The following CDH12 variants were observed in gnomAD, a reference collection of about 807,000 sequenced individuals.
CDH12 encodes the protein cadherin-12.
CDH12 carries 41 observed loss-of-function variants against 74.1 expected under a neutral mutation model. The ratio of observed to expected loss-of-function variants is 0.55; its 90% CI spans 0.43 to 0.72. The LOEUF is 0.72. Among genes scored for constraint, CDH12 ranks in the 30% least tolerant of loss-of-function variants. CDH12 has a pLI of 0.00. For missense variants in CDH12, 945 were observed against 977.2 expected, an observed-to-expected ratio of 0.97 and a Z score of 0.44; for synonymous variants, 399 against 355.0, an observed-to-expected ratio of 1.12 and a Z score of -1.39.
At chr5:21,932,091 T>G (rs1016455448) in intron 6 of CDH12, among the ~76,000 whole-genome samples, 2 of 152,206 alleles carry the variant, frequency 1.3e-5, no homozygotes, top group African/African-American at 4.8e-5. Flanking sequence ...ATTAGGATAC[T>G]CTACACAAAT....
intron 5 of CDH12, among the ~76,000 whole-genome samples, chr5:22,009,862 C>T (rs1179758358): frequency 2.1e-5 from 3 of 142,034 alleles, no homozygotes; most frequent in African/African-American, 8.1e-5. Flanking sequence ...CCTGTAATTC[C>T]AGCCATTTGG....
At chr5:22,475,545 T>G (rs1746133546) in intron 2 of CDH12, among the ~76,000 whole-genome samples, 1 of 152,020 alleles carries the variant, frequency 6.6e-6, no homozygotes, top group Non-Finnish European at 1.5e-5. Context: ...AATAAGAATA[T>G]AGTTTCTATT....
At chr5:22,409,310 C>T (rs980167510) in intron 2 of CDH12, among the ~76,000 whole-genome samples, 2 of 151,930 alleles carry the variant, frequency 1.3e-5, no homozygotes, top group African/African-American at 4.8e-5. Flanking sequence ...CTGAGGTATA[C>T]ACTTGTAGCA....
chr5:22,002,378 T>C (rs1401872733), intron 5 of CDH12, among the ~76,000 whole-genome samples: 1 of 152,080 alleles, frequency 6.6e-6, no homozygotes, highest in Non-Finnish European at 1.5e-5. Context: ...CAGGTAACTG[T>C]TCTATATACT....
chr5:22,843,402 C>T (rs749653500), intron 1 of CDH12, among the ~76,000 whole-genome samples: 1 of 152,002 alleles, frequency 6.6e-6, no homozygotes, highest in African/African-American at 2.4e-5. Flanking sequence ...TTCTTTACCT[C>T]CCCCATGGTT....
intron 3 of CDH12, among the ~76,000 whole-genome samples, chr5:22,284,314 C>A (rs1737043990): frequency 6.6e-6 from 1 of 152,138 alleles, no homozygotes; most frequent in African/African-American, 2.4e-5. Context: ...TTAATTATCT[C>A]AGTTTCTTTA....
intron 5 of CDH12, among the ~76,000 whole-genome samples, chr5:21,992,421 C>G (rs1469387121): frequency 1.3e-5 from 2 of 151,956 alleles, no homozygotes; most frequent in Non-Finnish European, 2.9e-5. Context: ...AAAGCAGGTG[C>G]TTAAGTAGAG....
chr5:22,827,631 A>T (rs1242322976), intron 1 of CDH12, among the ~76,000 whole-genome samples: 1 of 152,212 alleles, frequency 6.6e-6, no homozygotes, highest in Non-Finnish European at 1.5e-5. Flanking sequence ...TGTTGACAAC[A>T]TCTTGCCTTT....
chr5:22,221,262 A>T (rs541840792), intron 3 of CDH12, among the ~76,000 whole-genome samples: 1 of 152,070 alleles, frequency 6.6e-6, no homozygotes, highest in South Asian at 2.1e-4. Context: ...AAACAGTATT[A>T]ATAGACACAT....
At chr5:22,116,864 CTTT>C (rs70957090) in intron 4 of CDH12, among the ~76,000 whole-genome samples, 44,635 of 107,342 alleles carry the variant, frequency 0.42, 8,274 homozygotes, top group Middle Eastern at 0.55. Context: ...CTGCAAGTCT[CTTT>C]TTTTTTTTTT....
intron 3 of CDH12, among the ~76,000 whole-genome samples, chr5:22,384,271 T>A (rs939743023): frequency 1.3e-5 from 2 of 151,858 alleles, no homozygotes; most frequent in African/African-American, 2.4e-5. Flanking sequence ...ACGCTTGTAA[T>A]CCCAGCACTT....
chr5:22,523,984 T>TC (rs985695237), intron 1 of CDH12, among the ~76,000 whole-genome samples: 3 of 116,994 alleles, frequency 2.6e-5, no homozygotes, highest in Non-Finnish European at 5.6e-5. Flanking sequence ...TATTATTATT[T>TC]TTTTTTTTTT....
At chr5:22,401,957 A>C (rs1742747288) in intron 3 of CDH12, among the ~76,000 whole-genome samples, 1 of 152,070 alleles carries the variant, frequency 6.6e-6, no homozygotes, top group Admixed American at 6.6e-5. Context: ...CACTGAACAG[A>C]CTCTCTGAGC....
chr5:22,092,621 T>A (rs1263280476), intron 4 of CDH12, among the ~76,000 whole-genome samples: 1 of 151,974 alleles, frequency 6.6e-6, no homozygotes, highest in Admixed American at 6.6e-5. Context: ...ATGTGAAAAA[T>A]CAGCACCCGC....
At chr5:22,589,178 A>T (rs1161218666) in intron 1 of CDH12, among the ~76,000 whole-genome samples, 3 of 152,074 alleles carry the variant, frequency 2.0e-5, no homozygotes, top group African/African-American at 7.2e-5. Flanking sequence ...CACTTCTGTT[A>T]TTTTTTCTGC....
intron 5 of CDH12, among the ~76,000 whole-genome samples, chr5:21,983,798 A>G (rs1209110984): frequency 6.6e-6 from 1 of 152,138 alleles, no homozygotes; most frequent in African/African-American, 2.4e-5. Flanking sequence ...AATTTATATT[A>G]CTTTATTTAT....
intron 1 of CDH12, among the ~76,000 whole-genome samples, chr5:22,510,321 C>G (rs1256018217): frequency 2.0e-5 from 3 of 151,944 alleles, no homozygotes; most frequent in Admixed American, 2.0e-4. Flanking sequence ...AGTTAATAGA[C>G]TTTGTTGGAA....
At chr5:22,454,344 T>G (rs544288110) in intron 2 of CDH12, among the ~76,000 whole-genome samples, 6 of 152,336 alleles carry the variant, frequency 3.9e-5, no homozygotes, top group African/African-American at 1.4e-4. Context: ...AAGTGTCACT[T>G]AAAATCTTGC....
At chr5:22,579,599 G>A (rs1739973720) in intron 1 of CDH12, among the ~76,000 whole-genome samples, 1 of 151,924 alleles carries the variant, frequency 6.6e-6, no homozygotes. Flanking sequence ...AGTTTAAACT[G>A]AACATACCCT....
Sources: allele counts gnomAD v4.1 joint callset (sites outside exome capture counted in the v4.1 genomes callset), GRCh38; gene constraint gnomAD v4.1.1; transcripts MANE v1.5; gene names NCBI Gene and HGNC (gene_info 2026-07-23, HGNC 2026-07-21).